SMYD3: variants seen among roughly 807,000 people sequenced by gnomAD.
SMYD3 encodes histone-lysine N-methyltransferase SMYD3.
SMYD3 carries 36 observed loss-of-function variants against 57.7 expected under a neutral mutation model. That is an observed-to-expected ratio of 0.62 (90% confidence interval 0.48 to 0.82). The LOEUF is 0.82. SMYD3 is among the 40% of genes least tolerant of loss of function. The pLI, the probability that SMYD3 is intolerant of heterozygous loss-of-function variation, is 0.00. For synonymous variants in SMYD3, 211 were observed against 195.0 expected (o/e 1.08, Z -0.68); for missense variants, 515 against 538.8 (o/e 0.96, Z 0.44).
intron 1 of SMYD3, among the ~76,000 whole-genome samples, chr1:246,359,225 A>G (rs2065952988): frequency 6.6e-6 from 1 of 152,182 alleles, no homozygotes; most frequent in Non-Finnish European, 1.5e-5. Context: ...GGATGGATAA[A>G]TTCCTGGAAA....
chr1:246,269,964 C>T (rs6659230), intron 5 of SMYD3, among the ~76,000 whole-genome samples: 50,724 of 152,014 alleles, frequency 0.33, 9,342 homozygotes, highest in East Asian at 0.72. Context: ...ACACCAGAGA[C>T]AGAGTTTTCA....
chr1:246,045,810 C>T (rs947548129), intron 5 of SMYD3, among the ~76,000 whole-genome samples: 1 of 152,072 alleles, frequency 6.6e-6, no homozygotes, highest in Non-Finnish European at 1.5e-5. Context: ...AAAAAGTGGG[C>T]AAAGGATATG....
At chr1:245,883,715 T>C (rs1196186913) in intron 8 of SMYD3, among the ~76,000 whole-genome samples, 1 of 152,198 alleles carries the variant, frequency 6.6e-6, no homozygotes, top group East Asian at 1.9e-4. Context: ...GACCTGACAC[T>C]GTAAGAATTT....
chr1:245,928,098 T>C (rs192767045), intron 6 of SMYD3, 65 bp from the exon 7 acceptor site: 84 of 1,323,198 alleles, frequency 6.3e-5, no homozygotes, highest in Non-Finnish European at 8.1e-5. Context: ...ATTTAACAAA[T>C]GCAGTGGGTA....
chr1:246,424,555 T>C (rs540818086), intron 1 of SMYD3, among the ~76,000 whole-genome samples: 3 of 152,214 alleles, frequency 2.0e-5, no homozygotes, highest in Non-Finnish European at 4.4e-5. Flanking sequence ...CTAATTGATA[T>C]AAATGTCTGC....
At chr1:245,994,533 G>A (rs900227561) in intron 5 of SMYD3, among the ~76,000 whole-genome samples, 1 of 152,018 alleles carries the variant, frequency 6.6e-6, no homozygotes, top group Non-Finnish European at 1.5e-5. Flanking sequence ...TTTTCTCCCG[G>A]GACATCAAGG....
chr1:246,273,153 C>CTTT (rs1298171209), intron 5 of SMYD3, among the ~76,000 whole-genome samples: 2 of 67,980 alleles, frequency 2.9e-5, no homozygotes, highest in African/African-American at 1.1e-4. Flanking sequence ...TTTTTTTTTT[C>CTTT]TTTTTTTTGG....
intron 8 of SMYD3, among the ~76,000 whole-genome samples, chr1:245,904,989 T>G (rs530936154): frequency 6.6e-6 from 1 of 151,866 alleles, no homozygotes; most frequent in Non-Finnish European, 1.5e-5. Context: ...AGACATACTC[T>G]GAGCCGGAAG....
At chr1:246,323,336 A>G (rs1260967766) in intron 5 of SMYD3, among the ~76,000 whole-genome samples, 1 of 152,198 alleles carries the variant, frequency 6.6e-6, no homozygotes, top group Non-Finnish European at 1.5e-5. Context: ...GAAAAGGAGG[A>G]ATATCTGGGA....
intron 1 of SMYD3, among the ~76,000 whole-genome samples, chr1:246,440,061 C>T (rs1321410587): frequency 6.6e-6 from 1 of 152,154 alleles, no homozygotes; most frequent in East Asian, 1.9e-4. Context: ...AAATCGGTTT[C>T]GTTAGAAGTC....
chr1:246,419,813 G>A (rs774290335), intron 1 of SMYD3, among the ~76,000 whole-genome samples: 6 of 152,124 alleles, frequency 3.9e-5, no homozygotes, highest in Admixed American at 1.3e-4. Flanking sequence ...GAAACCATCC[G>A]CCCCCCTCAC....
At chr1:246,294,895 G>A (rs1429218559) in intron 5 of SMYD3, among the ~76,000 whole-genome samples, 4 of 152,110 alleles carry the variant, frequency 2.6e-5, no homozygotes, top group South Asian at 4.1e-4. Flanking sequence ...CATCGTGCCC[G>A]ACCCAATTAG....
intron 5 of SMYD3, among the ~76,000 whole-genome samples, chr1:246,117,583 T>A (rs534455043): frequency 6.6e-6 from 1 of 152,330 alleles, no homozygotes; most frequent in South Asian, 2.1e-4. Context: ...AGGTAAGGTT[T>A]CCCTCCCACT....
At chr1:246,161,737 T>C (rs2062124103) in intron 5 of SMYD3, among the ~76,000 whole-genome samples, 1 of 152,174 alleles carries the variant, frequency 6.6e-6, no homozygotes, top group Non-Finnish European at 1.5e-5. Context: ...GTCTGGCCAA[T>C]GACAGTATAT....
intron 8 of SMYD3, among the ~76,000 whole-genome samples, chr1:245,905,915 T>C (rs1419486903): frequency 6.6e-6 from 1 of 152,212 alleles, no homozygotes; most frequent in East Asian, 1.9e-4. Flanking sequence ...CTTCAATAAA[T>C]GATGCTGGGA....
chr1:246,291,420 G>C (rs2064688661), intron 5 of SMYD3, among the ~76,000 whole-genome samples: 1 of 152,150 alleles, frequency 6.6e-6, no homozygotes, highest in South Asian at 2.1e-4. Context: ...CAAGCCCAGT[G>C]CATCTGGACT....
At chr1:245,919,610 G>GA (rs2055714485) in intron 7 of SMYD3, among the ~76,000 whole-genome samples, 1 of 152,060 alleles carries the variant, frequency 6.6e-6, no homozygotes, top group South Asian at 2.1e-4. Flanking sequence ...ATATTTTTGG[G>GA]AAAAAACAGC....
intron 5 of SMYD3, among the ~76,000 whole-genome samples, chr1:246,054,362 GT>G (rs1010057152): frequency 1.3e-5 from 2 of 152,146 alleles, no homozygotes; most frequent in African/African-American, 4.8e-5. Flanking sequence ...CAGTCTTGTA[GT>G]TTTTTATAAA....
intron 5 of SMYD3, among the ~76,000 whole-genome samples, chr1:246,187,531 T>C (rs1168518681): frequency 6.6e-6 from 1 of 152,100 alleles, no homozygotes; most frequent in Non-Finnish European, 1.5e-5. Context: ...GAAAACACAG[T>C]GGTAAAGCAA....
Sources: gnomAD v4.1 joint callset for allele counts (sites outside exome capture counted in the v4.1 genomes callset) on GRCh38, gnomAD v4.1.1 for gene constraint, MANE v1.5 for transcripts, NCBI Gene and HGNC (gene_info 2026-07-23, HGNC 2026-07-21) for gene names.